CDC42BPA: variants seen among roughly 807,000 people sequenced by gnomAD.
CDC42BPA encodes the protein CDC42 binding protein kinase alpha, also known as serine/threonine-protein kinase MRCK alpha.
A neutral mutation model predicts 223.5 loss-of-function variants in CDC42BPA; 80 were observed. The observed-to-expected ratio is 0.36, with a 90% CI of 0.30 to 0.43. CDC42BPA has a LOEUF of 0.43. Ranked by LOEUF, CDC42BPA falls within the 20% of genes least tolerant of loss-of-function variation. The pLI is 1.00. For missense variants in CDC42BPA, 1,743 were observed against 2,099.9 expected (o/e 0.83, Z 3.32); for synonymous variants, 694 against 718.6 (o/e 0.97, Z 0.55).
chr1:227,106,838 G>T (rs2149352472), intron 14 of CDC42BPA, among the ~76,000 whole-genome samples: 1 of 152,244 alleles, frequency 6.6e-6, no homozygotes, highest in Non-Finnish European at 1.5e-5. Context: ...CCATTGAATG[G>T]ACTTAGTACA....
intron 1 of CDC42BPA, among the ~76,000 whole-genome samples, chr1:227,259,139 C>G (rs1325868598): frequency 6.6e-6 from 1 of 150,978 alleles, no homozygotes; most frequent in East Asian, 1.9e-4. Context: ...CGCCGCCTCC[C>G]TCCCTTTTTC....
At chr1:227,048,788 T>C (rs377142231) in intron 22 of CDC42BPA, among the ~76,000 whole-genome samples, 3 of 148,644 alleles carry the variant, frequency 2.0e-5, no homozygotes, top group Admixed American at 6.7e-5. Flanking sequence ...GAAAGTAACT[T>C]CCTTTCAGGA....
At chr1:227,156,689 C>T (rs1662878604) in intron 6 of CDC42BPA, among the ~76,000 whole-genome samples, 1 of 152,158 alleles carries the variant, frequency 6.6e-6, no homozygotes, top group Non-Finnish European at 1.5e-5. Flanking sequence ...AAATATTACT[C>T]ATGCATTCTG....
Position 227,034,760 on chromosome 1 carries a change from T to G in CDC42BPA, c.3371A>C (p.Gln1124Pro). The G allele has an allele frequency of 6.2e-7, 1 of 1,612,862 alleles. No individual in the cohort carries two copies. Among genetic ancestry groups the G allele is most frequent in the Non-Finnish European group, 8.5e-7 (1 of 1,179,352 alleles). The change falls in exon 26 of 37, where the codon CAG (glutamine) becomes CCG (proline). Residue 1124 changes from glutamine (Q) to proline (P), a missense_variant. Gln to Pro is a moderately conservative substitution (Grantham distance 76). Transcript: ENST00000366766. ...PKPAGVKKGWQRALAIVCDFK... is the reference protein window; with the variant it reads ...PKPAGVKKGWPRALAIVCDFK... ...GTCACACACTATAGCCAGTGCTCTC[T>G]GCCACCCTTTCTTCACTCCAGCTGG...
At position 226,998,140 on chromosome 1, in the gene CDC42BPA, A is replaced by AG. The variant is rs1662017592; in HGVS notation, c.4976-3161dup. On this transcript the variant is annotated intron_variant, in intron 35 of 36. Transcript: ENST00000366766. ...CTACAAACCACTGGTCAAGGAAACA[A>AG]GAGAGGACACAAACAAATGGAAAAA... is the stretch of plus-strand genomic sequence containing the variant. Among the ~76,000 whole-genome samples the AG allele has an allele frequency of 1.3e-5, 2 of 152,226 alleles. 1 individual carries two copies. The highest frequency in any genetic ancestry group is 4.1e-4 in the South Asian group (2 of 4,828).
At chr1:227,031,558 C>G in intron 27 of CDC42BPA, 44 bp from the exon 28 acceptor site, 1 of 1,469,742 alleles carries the variant, frequency 6.8e-7, no homozygotes, top group Non-Finnish European at 9.5e-7. Flanking sequence ...AAAACAGACA[C>G]CCTTTATGCT....
intron 2 of CDC42BPA, among the ~76,000 whole-genome samples, chr1:227,216,373 T>C (rs1452238345): frequency 6.6e-6 from 1 of 152,166 alleles, no homozygotes; most frequent in African/African-American, 2.4e-5. Context: ...ACTACACATG[T>C]ATGTGGTTAT....
intron 15 of CDC42BPA, among the ~76,000 whole-genome samples, chr1:227,095,591 T>G (rs1481862919): frequency 2.4e-4 from 5 of 21,128 alleles, no homozygotes; most frequent in South Asian, 3.9e-3. Context: ...GTTCTTTGGT[T>G]TTTTTTTTTT....
chr1:227,313,914 T>C (rs1277284039), intron 1 of CDC42BPA, among the ~76,000 whole-genome samples: 2 of 152,150 alleles, frequency 1.3e-5, no homozygotes, highest in Non-Finnish European at 2.9e-5. Context: ...TTAGTGATAA[T>C]TTCTGTATGT....
chr1:227,112,751 C>T lies in CDC42BPA; in HGVS notation c.1810G>A (p.Glu604Lys). Reference protein sequence around the residue: ...QKLARHVRDKEEEVDLVMQKV... With the variant: ...QKLARHVRDKKEEVDLVMQKV... ...TGCATCACCAGGTCCACCTCTTCTT[C>T]CTTATCTCGGACATGGCGAGCAAGT... Residue 604 changes from glutamate (E) to lysine (K), a missense_variant, in exon 13 of 37, where the codon GAA (glutamate) becomes AAA (lysine). Glu to Lys is a moderately conservative substitution (Grantham distance 56). Around this residue, in one of 6 missense-constraint regions of CDC42BPA, gnomAD observed 464 missense variants for 488.0 expected, o/e 0.95. Transcript: ENST00000366766. 1 of 1,614,074 alleles carries T rather than the reference C, an allele frequency of 6.2e-7. No homozygotes were observed. The highest frequency in any genetic ancestry group is 1.3e-5 in the African/African-American group (1 of 75,030).
At chr1:227,103,846 C>T (rs1255823553) in intron 14 of CDC42BPA, among the ~76,000 whole-genome samples, 1 of 151,950 alleles carries the variant, frequency 6.6e-6, no homozygotes, top group African/African-American at 2.4e-5. Context: ...TTAGACCCAA[C>T]AAACATCCAA....
chr1:227,154,528 A>G (rs1053043365), intron 6 of CDC42BPA, among the ~76,000 whole-genome samples: 1 of 152,076 alleles, frequency 6.6e-6, no homozygotes, highest in African/African-American at 2.4e-5. Flanking sequence ...AGATTGCTAG[A>G]TTCAGGATGA....
At chr1:227,095,157 G>A (rs1455743014) in intron 15 of CDC42BPA, among the ~76,000 whole-genome samples, 1 of 152,156 alleles carries the variant, frequency 6.6e-6, no homozygotes, top group Non-Finnish European at 1.5e-5. Context: ...AAAATTAAAA[G>A]TCACACTCAT....
intron 1 of CDC42BPA, among the ~76,000 whole-genome samples, chr1:227,263,208 G>T (rs965270181): frequency 6.6e-6 from 1 of 152,172 alleles, no homozygotes; most frequent in African/African-American, 2.4e-5. Flanking sequence ...CTCCAGCCTG[G>T]GTGACAGAGC....
chr1:227,306,523 G>C (rs1297528574), intron 1 of CDC42BPA, among the ~76,000 whole-genome samples: 1 of 152,102 alleles, frequency 6.6e-6, no homozygotes, highest in Non-Finnish European at 1.5e-5. Context: ...AGTCAGAAAT[G>C]GGTAACACAT....
intron 10 of CDC42BPA, among the ~76,000 whole-genome samples, chr1:227,132,321 C>T (rs900133310): frequency 1.3e-5 from 2 of 152,084 alleles, no homozygotes; most frequent in South Asian, 4.1e-4. Context: ...TTGGTGGAGA[C>T]GGGGTTTCGC....
intron 3 of CDC42BPA, among the ~76,000 whole-genome samples, chr1:227,208,423 C>A (rs1673224352): frequency 7.3e-6 from 1 of 137,164 alleles, no homozygotes; most frequent in Non-Finnish European, 1.6e-5. Context: ...GACATGAAGT[C>A]CTTGCCCATG....
intron 2 of CDC42BPA, among the ~76,000 whole-genome samples, chr1:227,241,756 C>T (rs1410407890): frequency 1.3e-5 from 2 of 152,028 alleles, no homozygotes; most frequent in African/African-American, 2.4e-5. Flanking sequence ...TTTCCAAAAC[C>T]TCAAGGAACT....
At chr1:227,086,616 T>C (rs1681963405) in intron 16 of CDC42BPA, among the ~76,000 whole-genome samples, 1 of 151,990 alleles carries the variant, frequency 6.6e-6, no homozygotes, top group African/African-American at 2.4e-5. Context: ...TCATCTTTCA[T>C]GAAATGTCTA....
Sources: gnomAD v4.1 joint callset for allele counts (sites outside exome capture counted in the v4.1 genomes callset) on GRCh38, gnomAD v4.1.1 for gene constraint, gnomAD v4.1.1 regional missense constraint, MANE v1.5 for transcripts, NCBI Gene and HGNC (gene_info 2026-07-23, HGNC 2026-07-21) for gene names.